The following ADGRV1 variants were observed in gnomAD, a reference collection of about 807,000 sequenced individuals.
ADGRV1 encodes G-protein coupled receptor 98.
ADGRV1 carries 359 observed loss-of-function variants against 596.2 expected under a neutral mutation model. The observed-to-expected ratio is 0.60, with a 90% confidence interval of 0.55 to 0.66. ADGRV1 has a LOEUF of 0.66. ADGRV1 is among the 30% of genes least tolerant of loss of function. ADGRV1 has a pLI of 0.00. For synonymous variants in ADGRV1, 2,681 were observed against 2,679.2 expected, an observed-to-expected ratio of 1.00 and a Z score of -0.02; for missense variants, 7,274 against 7,575.6, an observed-to-expected ratio of 0.96 and a Z score of 1.48.
intron 34 of ADGRV1, among the ~76,000 whole-genome samples, chr5:90,698,920 GC>G (rs1194898010): frequency 6.6e-6 from 1 of 152,040 alleles, no homozygotes; most frequent in African/African-American, 2.4e-5. Flanking sequence ...TACTAACATG[GC>G]CAAAAAGGGG....
At chr5:90,604,145 A>G (rs1334822553) in intron 1 of ADGRV1, among the ~76,000 whole-genome samples, 1 of 151,994 alleles carries the variant, frequency 6.6e-6, no homozygotes, top group Non-Finnish European at 1.5e-5. Context: ...TTTCAAAATA[A>G]TCTAGACATC....
intron 1 of ADGRV1, among the ~76,000 whole-genome samples, chr5:90,599,769 G>T (rs1382501172): frequency 6.6e-6 from 1 of 152,142 alleles, no homozygotes; most frequent in Non-Finnish European, 1.5e-5. Flanking sequence ...GGCGGATGGA[G>T]AAATAATACT....
chr5:90,830,208 C>T (rs1764408434), intron 77 of ADGRV1, among the ~76,000 whole-genome samples: 1 of 152,084 alleles, frequency 6.6e-6, no homozygotes, highest in Non-Finnish European at 1.5e-5. Context: ...GGCAGTAAAA[C>T]TTATCTTTAC....
chr5:90,776,088 T>C (rs1310556878), intron 60 of ADGRV1, among the ~76,000 whole-genome samples: 1 of 152,162 alleles, frequency 6.6e-6, no homozygotes. Flanking sequence ...TTTTGCCATA[T>C]AGCCAGTTGA....
At chr5:90,620,183 T>C (rs974217602) in intron 4 of ADGRV1, among the ~76,000 whole-genome samples, 24 of 152,270 alleles carry the variant, frequency 1.6e-4, no homozygotes, top group Admixed American at 1.4e-3. Context: ...CACACTGACT[T>C]CCACAATGGT....
rs1270628991 is a variant in ADGRV1 at position 90,745,915 on chromosome 5, C to T, written c.10974+120C>T. 6 of 622,714 alleles carry T rather than the reference C, an allele frequency of 9.6e-6. No individual in the cohort carries two copies. The East Asian group carries it at 1.1e-4, about 11-fold the overall frequency. The allele number at this position is 622,714 out of a possible 1,614,324, so 38.6% of individuals were successfully genotyped here. The stretch of plus-strand genomic sequence containing the variant: ...TGAGTGTCATCAGCCTCTCTCCCTT[C>T]CCTTTCCCCTGCCTCCCTTTTATGT... On this transcript the variant is annotated intron_variant, in intron 52 of 89. Coordinates refer to ENST00000405460, the MANE Select transcript of ADGRV1 (RefSeq NM_032119.4).
chr5:91,099,014 C>T (rs1367659694), intron 86 of ADGRV1, among the ~76,000 whole-genome samples: 2 of 152,026 alleles, frequency 1.3e-5, no homozygotes, highest in Non-Finnish European at 2.9e-5. Context: ...AAAAATGAGC[C>T]TTCTGGCCCT....
intron 73 of ADGRV1, 84 bp downstream of exon 73, chr5:90,807,821 G>C (rs760182840): frequency 1.6e-5 from 20 of 1,212,674 alleles, no homozygotes; most frequent in Non-Finnish European, 2.3e-5. Context: ...AGGCACAAGG[G>C]TTATTCTCCT....
In ADGRV1 at chr5:91,164,123, G is replaced by A. The variant is rs925601143; in HGVS notation, c.*223G>A. On this transcript the variant is annotated 3_prime_UTR_variant, in exon 90 of 90. Transcript: ENST00000405460. The stretch of plus-strand genomic sequence containing the variant: ...GTCAGTTTGTATCAGTTAATAGGAT[G>A]TTCATATTCCAAGGATATTAGTTGT... 27 of 619,086 alleles carry A rather than the reference G, an allele frequency of 4.4e-5. No homozygotes were observed. The highest frequency in any genetic ancestry group is 7.1e-5 in the Non-Finnish European group (24 of 336,894). The allele number at this position is 619,086 out of a possible 1,614,324, so 38.3% of individuals were successfully genotyped here. A position where few individuals can be genotyped will look rare whatever the true frequency, so the allele number is the denominator to read the frequency against.
chr5:90,821,540 T>C (rs1481356414), intron 75 of ADGRV1, among the ~76,000 whole-genome samples: 2 of 151,186 alleles, frequency 1.3e-5, no homozygotes, highest in African/African-American at 4.9e-5. Context: ...TCCCCATCTT[T>C]GTGGTTTTAT....
intron 50 of ADGRV1, among the ~76,000 whole-genome samples, chr5:90,737,555 C>T (rs13174802): frequency 0.04 from 6,101 of 151,906 alleles, 197 homozygotes; most frequent in Non-Finnish European, 0.064. Flanking sequence ...TATTGTATTG[C>T]AGTCTATATC....
intron 86 of ADGRV1, among the ~76,000 whole-genome samples, chr5:91,087,648 T>G (rs1189722123): frequency 6.6e-6 from 1 of 152,200 alleles, no homozygotes; most frequent in Admixed American, 6.5e-5. Context: ...ATTTTGATGC[T>G]GAAGAAATAT....
At chr5:91,115,947 A>AAACAACAAC (rs3079443) in intron 87 of ADGRV1, among the ~76,000 whole-genome samples, 63 of 150,642 alleles carry the variant, frequency 4.2e-4, no homozygotes, top group African/African-American at 1.2e-3. Flanking sequence ...CTTCCATCTA[A>AAACAACAAC]AACAACAACA....
intron 86 of ADGRV1, among the ~76,000 whole-genome samples, chr5:91,074,380 A>G (rs1002280348): frequency 1.3e-5 from 2 of 152,072 alleles, no homozygotes; most frequent in Non-Finnish European, 2.9e-5. Context: ...CTTTGTGTCT[A>G]TATGTACTCA....
chr5:90,708,009 A>C (rs550007621), intron 38 of ADGRV1, among the ~76,000 whole-genome samples: 1 of 152,318 alleles, frequency 6.6e-6, no homozygotes, highest in East Asian at 1.9e-4. Flanking sequence ...TCTAGAGACC[A>C]TGATTTTCAC....
At chr5:91,159,978 T>C (rs967194273) in intron 89 of ADGRV1, among the ~76,000 whole-genome samples, 2 of 152,216 alleles carry the variant, frequency 1.3e-5, no homozygotes, top group African/African-American at 4.8e-5. Context: ...ATATTGGGCT[T>C]AGAAAGGAGT....
At chr5:91,040,838 G>A (rs979328257) in intron 85 of ADGRV1, among the ~76,000 whole-genome samples, 3 of 152,082 alleles carry the variant, frequency 2.0e-5, no homozygotes, top group Non-Finnish European at 4.4e-5. Flanking sequence ...AAAGGACAAC[G>A]GTCATAACAC....
At chr5:90,565,426 G>A (rs1194940407) in intron 1 of ADGRV1, among the ~76,000 whole-genome samples, 1 of 152,044 alleles carries the variant, frequency 6.6e-6, no homozygotes, top group East Asian at 1.9e-4. Flanking sequence ...TGTATAAATG[G>A]AATCATACAA....
chr5:91,156,552 T>C lies in ADGRV1; in HGVS notation c.18802+3154T>C, dbSNP rs555334480. Among the ~76,000 whole-genome samples the C allele has an allele frequency of 2.3e-3, 350 of 152,336 alleles. 1 individual carries two copies. Among genetic ancestry groups the C allele is most frequent in the African/African-American group, 8.1e-3 (337 of 41,570 alleles). ...ATGACACCGGAAACATAAAGTGAATTCTTGGAACATAATTAAATTAGATCT... is the reference window on the plus strand; with the variant it reads ...ATGACACCGGAAACATAAAGTGAATCCTTGGAACATAATTAAATTAGATCT... On this transcript the variant is annotated intron_variant, in intron 89 of 89. Transcript: ENST00000405460.
Sources: gnomAD v4.1 joint callset for allele counts (sites outside exome capture counted in the v4.1 genomes callset) on GRCh38, gnomAD v4.1.1 for gene constraint, MANE v1.5 for transcripts, NCBI Gene and HGNC (gene_info 2026-07-23, HGNC 2026-07-21) for gene names.